The following C2CD5 variants were observed in gnomAD, a reference collection of about 807,000 sequenced individuals.
C2CD5 encodes the protein C2 domain-containing protein 5.
C2CD5 carries 109 observed loss-of-function variants against 130.3 expected under a neutral mutation model. The observed-to-expected ratio is 0.84, with a 90% CI of 0.72 to 0.98. The LOEUF (loss-of-function observed/expected upper bound fraction) is 0.98. Among genes scored for constraint, C2CD5 ranks in the 50% least tolerant of loss-of-function variants. The pLI, the probability that C2CD5 is intolerant of heterozygous loss-of-function variation, is 0.00. For missense variants in C2CD5, 996 were observed against 1,261.8 expected (o/e 0.79, Z 3.19); for synonymous variants, 454 against 429.2 (o/e 1.06, Z -0.71).
At position 22,478,861 on chromosome 12, in the gene C2CD5, A is replaced by AG. The variant is rs542811774; in HGVS notation, c.1738-385dup. On this transcript the variant is annotated intron_variant, in intron 14 of 26. Coordinates refer to ENST00000446597, the MANE Select transcript of C2CD5 (RefSeq NM_001286176.2). ...ACTCTGTCTCAAAAAAAAGAAAAAA[A>AG]GGGAAAAAAAAACAAGAATGTGATC... Among the ~76,000 whole-genome samples, 338 of 147,162 alleles carry AG rather than the reference A, an allele frequency of 2.3e-3. 4 individuals carry two copies. Among genetic ancestry groups the AG allele is most frequent in the Non-Finnish European group, 1.9e-3 (123 of 64,444 alleles).
intron 2 of C2CD5, among the ~76,000 whole-genome samples, chr12:22,543,603 T>C (rs930176593): frequency 2.0e-5 from 3 of 152,210 alleles, no homozygotes; most frequent in East Asian, 1.9e-4. Context: ...GGTGTGTGTG[T>C]GCCTGTGTGT....
chr12:22,458,448 T>A (rs1474036916), intron 24 of C2CD5, 36 bp downstream of exon 24: 1 of 985,956 alleles, frequency 1.0e-6, no homozygotes, highest in Non-Finnish European at 1.3e-6. Flanking sequence ...GATATGTTTC[T>A]CAGATTATCA....
At chr12:22,500,055 G>A (rs2136599144) in intron 10 of C2CD5, among the ~76,000 whole-genome samples, 1 of 152,030 alleles carries the variant, frequency 6.6e-6, no homozygotes, top group East Asian at 1.9e-4. Context: ...ATGGTGGCAC[G>A]TGCCTGTAAT....
At chr12:22,485,898 T>C (rs1344263598) in intron 12 of C2CD5, among the ~76,000 whole-genome samples, 1 of 142,982 alleles carries the variant, frequency 7.0e-6, no homozygotes, top group Admixed American at 7.3e-5. Context: ...CCTTCTACTC[T>C]CCTACATTCT....
intron 7 of C2CD5, among the ~76,000 whole-genome samples, chr12:22,519,824 T>C (rs940162010): frequency 6.6e-6 from 1 of 152,236 alleles, no homozygotes; most frequent in Non-Finnish European, 1.5e-5. Flanking sequence ...TATTCCAGTA[T>C]TTCAATACAC....
intron 7 of C2CD5, among the ~76,000 whole-genome samples, chr12:22,518,700 T>C (rs1455275135): frequency 6.6e-6 from 1 of 152,214 alleles, no homozygotes; most frequent in East Asian, 1.9e-4. Context: ...CAGAATGAAA[T>C]AGGACCTACT....
chr12:22,544,198 G>GA lies in C2CD5; in HGVS notation c.-29-20dup. On this transcript the variant is annotated intron_variant, in intron 1 of 26. Coordinates refer to ENST00000446597, the MANE Select transcript of C2CD5 (RefSeq NM_001286176.2). ...TGGGCTCCTGCAGAAACAAACAAAC[G>GA]AGTCTGCGCCGAGCGCGGGGCCGGC... 6.4e-7 allele frequency: 1 copy of GA among 1,572,662 alleles called. No individual in the cohort carries two copies. Among genetic ancestry groups the GA allele is most frequent in the South Asian group, 1.1e-5 (1 of 89,538 alleles).
At chr12:22,451,269 T>C (rs928591387) in intron 26 of C2CD5, among the ~76,000 whole-genome samples, 1 of 152,074 alleles carries the variant, frequency 6.6e-6, no homozygotes, top group African/African-American at 2.4e-5. Context: ...TTTTTTAAGA[T>C]ATAAAGGCAT....
intron 14 of C2CD5, among the ~76,000 whole-genome samples, chr12:22,480,464 C>T (rs1330554915): frequency 2.6e-5 from 4 of 152,298 alleles, no homozygotes; most frequent in Admixed American, 6.5e-5. Context: ...AAATGTCAAA[C>T]AGTGGTAGTT....
At chr12:22,485,170 C>T (rs1477752166) in intron 12 of C2CD5, among the ~76,000 whole-genome samples, 1 of 152,042 alleles carries the variant, frequency 6.6e-6, no homozygotes. Flanking sequence ...ATCACTATCA[C>T]CCCAAAGTTT....
chr12:22,531,961 A>AGTGGTGT (rs1951319490), intron 3 of C2CD5, among the ~76,000 whole-genome samples: 2 of 152,224 alleles, frequency 1.3e-5, no homozygotes, highest in Non-Finnish European at 2.9e-5. Context: ...GAAAGAACAG[A>AGTGGTGT]AGATATACCC....
At chr12:22,492,744 A>T (rs1367073522) in intron 11 of C2CD5, among the ~76,000 whole-genome samples, 1 of 152,172 alleles carries the variant, frequency 6.6e-6, no homozygotes, top group Non-Finnish European at 1.5e-5. Flanking sequence ...ATTTGTCAGT[A>T]TTAGGAAGAA....
chr12:22,503,498 C>T (rs1009432812), intron 10 of C2CD5, among the ~76,000 whole-genome samples: 1 of 152,062 alleles, frequency 6.6e-6, no homozygotes, highest in Non-Finnish European at 1.5e-5. Context: ...ATAAAACAAT[C>T]CGAAGAATGT....
intron 21 of C2CD5, among the ~76,000 whole-genome samples, 183 bp from the exon 22 acceptor site, chr12:22,469,978 G>T (rs951808955): frequency 6.6e-6 from 1 of 151,986 alleles, no homozygotes; most frequent in Non-Finnish European, 1.5e-5. Context: ...GCTGAGACTG[G>T]TGCTATCTTC....
chr12:22,504,027 T>C (rs1411692947), intron 10 of C2CD5, among the ~76,000 whole-genome samples: 1 of 152,138 alleles, frequency 6.6e-6, no homozygotes, highest in African/African-American at 2.4e-5. Context: ...AGGCAGAGAA[T>C]GGGTGAGCTG....
chr12:22,538,199 A>G (rs1216049453), intron 2 of C2CD5, among the ~76,000 whole-genome samples: 1 of 152,224 alleles, frequency 6.6e-6, no homozygotes, highest in Non-Finnish European at 1.5e-5. Context: ...CTGTTTAGTC[A>G]TCTTTTTTTG....
chr12:22,490,575 T>A (rs772361316), intron 11 of C2CD5, among the ~76,000 whole-genome samples: 1 of 152,114 alleles, frequency 6.6e-6, no homozygotes, highest in Admixed American at 6.5e-5. Flanking sequence ...GAAACTATAT[T>A]AAAATACTCT....
At chr12:22,497,901 C>CACAT (rs2136553784) in intron 10 of C2CD5, among the ~76,000 whole-genome samples, 1 of 96,778 alleles carries the variant, frequency 1.0e-5, no homozygotes, top group South Asian at 3.6e-4. Flanking sequence ...CACGCATGCA[C>CACAT]ACACATACAC....
intron 2 of C2CD5, among the ~76,000 whole-genome samples, chr12:22,536,710 C>G (rs368666911): frequency 6.6e-6 from 1 of 152,044 alleles, no homozygotes; most frequent in African/African-American, 2.4e-5. Flanking sequence ...GAACTGACAG[C>G]AATTATCTCT....
Sources: allele counts gnomAD v4.1 joint callset (sites outside exome capture counted in the v4.1 genomes callset), GRCh38; gene constraint gnomAD v4.1.1; transcripts MANE v1.5; gene names NCBI Gene and HGNC (gene_info 2026-07-23, HGNC 2026-07-21).